Variants in BTBD9 observed in about 807,000 individuals in gnomAD.
The protein encoded by BTBD9 is BTB/POZ domain-containing protein 9.
Under a neutral mutation model 64.3 loss-of-function variants are expected in BTBD9, and 49 were observed. The ratio of observed to expected loss-of-function variants is 0.76; its 90% CI spans 0.61 to 0.97. The LOEUF is 0.97. Ranked by LOEUF, BTBD9 falls within the 50% of genes least tolerant of loss-of-function variation. The pLI is 0.00. For synonymous variants in BTBD9, 260 were observed against 274.7 expected (o/e 0.95, Z 0.53); for missense variants, 598 against 762.1 (o/e 0.78, Z 2.53).
intron 6 of BTBD9, among the ~76,000 whole-genome samples, chr6:38,543,732 C>T (rs528455317): frequency 3.9e-5 from 6 of 152,146 alleles, no homozygotes; most frequent in African/African-American, 1.4e-4. Context: ...CCGAGACGGG[C>T]GGATCACGAG....
intron 6 of BTBD9, among the ~76,000 whole-genome samples, chr6:38,374,261 C>T (rs567946711): frequency 3.4e-5 from 2 of 59,450 alleles, no homozygotes; most frequent in Admixed American, 3.9e-4. Flanking sequence ...AGAGTGAGGC[C>T]TTGTGTCGAA....
At chr6:38,607,452 A>G (rs2127508226) in intron 1 of BTBD9, among the ~76,000 whole-genome samples, 1 of 152,324 alleles carries the variant, frequency 6.6e-6, no homozygotes, top group East Asian at 1.9e-4. Flanking sequence ...TAGAAAACTT[A>G]AATTAGAAGC....
intron 6 of BTBD9, among the ~76,000 whole-genome samples, chr6:38,531,515 G>A (rs1349138567): frequency 1.3e-5 from 2 of 152,130 alleles, no homozygotes; most frequent in Non-Finnish European, 1.5e-5. Context: ...AAAACTCACC[G>A]ATAGAGAATA....
intron 7 of BTBD9, among the ~76,000 whole-genome samples, chr6:38,337,150 A>T (rs1763924055): frequency 6.6e-6 from 1 of 152,232 alleles, no homozygotes; most frequent in South Asian, 2.1e-4. Context: ...TCTTTGCCAC[A>T]TTCTAACACC....
intron 9 of BTBD9, among the ~76,000 whole-genome samples, chr6:38,215,502 G>T (rs992553039): frequency 6.6e-6 from 1 of 152,192 alleles, no homozygotes; most frequent in Non-Finnish European, 1.5e-5. Flanking sequence ...TGAAGGCCCT[G>T]TTAGCGCTGG....
intron 6 of BTBD9, among the ~76,000 whole-genome samples, chr6:38,416,647 T>G (rs1019625818): frequency 6.6e-6 from 1 of 151,328 alleles, no homozygotes; most frequent in Non-Finnish European, 1.5e-5. Flanking sequence ...CCTGGCCCCC[T>G]CTCTGTACTC....
intron 8 of BTBD9, among the ~76,000 whole-genome samples, chr6:38,277,437 G>A (rs1035868608): frequency 2.6e-5 from 4 of 151,820 alleles, no homozygotes; most frequent in East Asian, 3.9e-4. Context: ...GTGCTCAAGC[G>A]ATTCTCTTGC....
At chr6:38,404,356 G>T (rs1582373975) in intron 6 of BTBD9, among the ~76,000 whole-genome samples, 1 of 152,226 alleles carries the variant, frequency 6.6e-6, no homozygotes, top group Middle Eastern at 3.4e-3. Context: ...GCATGATTTT[G>T]TGAGTCTTTA....
At chr6:38,506,487 C>A (rs1259584639) in intron 6 of BTBD9, among the ~76,000 whole-genome samples, 1 of 152,184 alleles carries the variant, frequency 6.6e-6, no homozygotes, top group Non-Finnish European at 1.5e-5. Flanking sequence ...TGCCCAGCAG[C>A]ATGAGAGAAT....
intron 6 of BTBD9, among the ~76,000 whole-genome samples, chr6:38,423,637 G>C (rs1400105764): frequency 6.6e-6 from 1 of 151,970 alleles, no homozygotes; most frequent in Non-Finnish European, 1.5e-5. Context: ...AATGACCAAA[G>C]GACACAAATA....
rs1582713232 is a variant in BTBD9, at chr6:38,609,895, T to C, written c.-27-11774A>G. Among the ~76,000 whole-genome samples, 5 of 152,382 alleles carry C rather than the reference T, an allele frequency of 3.3e-5. 2 individuals carry two copies. The highest frequency in any genetic ancestry group is 3.3e-4 in the Admixed American group (5 of 15,310). On this transcript the variant is annotated intron_variant, in intron 1 of 10. Coordinates refer to ENST00000481247, the MANE Select transcript of BTBD9 (RefSeq NM_001099272.2). ...ACTCAGCTAAAGCACCAACTTGGGA[T>C]GTCACTGACACAAATTCTCATAGCC...
intron 7 of BTBD9, among the ~76,000 whole-genome samples, chr6:38,309,163 A>T (rs1582205794): frequency 6.6e-6 from 1 of 151,580 alleles, no homozygotes; most frequent in Middle Eastern, 3.4e-3. Context: ...TGAGGTCAGG[A>T]GTTCGAGACC....
At chr6:38,421,571 A>T (rs1767903947) in intron 6 of BTBD9, among the ~76,000 whole-genome samples, 1 of 152,224 alleles carries the variant, frequency 6.6e-6, no homozygotes, top group Non-Finnish European at 1.5e-5. Context: ...AGGCTTCCGT[A>T]TATTGGCCTC....
chr6:38,501,010 T>G (rs1007512333), intron 6 of BTBD9, among the ~76,000 whole-genome samples: 1 of 152,230 alleles, frequency 6.6e-6, no homozygotes, highest in Non-Finnish European at 1.5e-5. Flanking sequence ...TTCTATCTAA[T>G]GTCCATAGAT....
intron 6 of BTBD9, among the ~76,000 whole-genome samples, chr6:38,470,620 G>A (rs1433005815): frequency 6.6e-6 from 1 of 152,218 alleles, no homozygotes; most frequent in Non-Finnish European, 1.5e-5. Flanking sequence ...GCATTTTAAT[G>A]TGAACATTTT....
chr6:38,603,132 C>T (rs1024411784), intron 1 of BTBD9, among the ~76,000 whole-genome samples: 3 of 152,088 alleles, frequency 2.0e-5, no homozygotes, highest in African/African-American at 7.2e-5. Context: ...GGAGGAAGAA[C>T]AGTAGGAAGG....
intron 6 of BTBD9, among the ~76,000 whole-genome samples, chr6:38,569,641 T>A (rs887047900): frequency 6.6e-6 from 1 of 152,152 alleles, no homozygotes; most frequent in Non-Finnish European, 1.5e-5. Context: ...GCAATCCTGT[T>A]CTGTTTTCTC....
At chr6:38,357,796 TTAAAA>T (rs1764789933) in intron 6 of BTBD9, among the ~76,000 whole-genome samples, 2 of 152,204 alleles carry the variant, frequency 1.3e-5, no homozygotes, top group South Asian at 4.1e-4. Flanking sequence ...CCTTCTTGTC[TTAAAA>T]TAAAATTTCA....
chr6:38,246,027 C>A (rs1385255870), intron 9 of BTBD9, among the ~76,000 whole-genome samples: 1 of 152,026 alleles, frequency 6.6e-6, no homozygotes, highest in Non-Finnish European at 1.5e-5. Flanking sequence ...CATTTGCTAC[C>A]CAAGAGGACT....
Sources: gnomAD v4.1 joint callset for allele counts (sites outside exome capture counted in the v4.1 genomes callset) on GRCh38, gnomAD v4.1.1 for gene constraint, MANE v1.5 for transcripts, NCBI Gene and HGNC (gene_info 2026-07-23, HGNC 2026-07-21) for gene names.